The following SVEP1 variants were observed in gnomAD, a reference collection of about 807,000 sequenced individuals.
SVEP1 encodes sushi, von Willebrand factor type A, EGF and pentraxin domain-containing protein 1.
In SVEP1, 164 loss-of-function variants were observed where a neutral mutation model predicts 367.3. That is an observed-to-expected ratio of 0.45 (90% CI 0.39 to 0.51). The LOEUF (loss-of-function observed/expected upper bound fraction) is 0.51. Among genes scored for constraint, SVEP1 ranks in the 20% least tolerant of loss-of-function variants. SVEP1 has a pLI of 0.00. For synonymous variants in SVEP1, 1,666 were observed against 1,611.6 expected (o/e 1.03, Z -0.81); for missense variants, 4,117 against 4,425.3 (o/e 0.93, Z 1.98).
At chr9:110,385,849 A>T in intron 43 of SVEP1, 49 bp downstream of exon 43, 1 of 1,571,256 alleles carries the variant, frequency 6.4e-7, no homozygotes, top group Non-Finnish European at 8.6e-7. Context: ...CAGGGATGGG[A>T]AAACATTTCG....
intron 3 of SVEP1, among the ~76,000 whole-genome samples, chr9:110,537,794 A>G (rs1001543701): frequency 6.6e-6 from 1 of 151,966 alleles, no homozygotes; most frequent in African/African-American, 2.4e-5. Flanking sequence ...TCCTGCCAAA[A>G]AAATTTAGAT....
chr9:110,392,447 G>A (rs1024001852), intron 40 of SVEP1, among the ~76,000 whole-genome samples: 1 of 151,962 alleles, frequency 6.6e-6, no homozygotes, highest in African/African-American at 2.4e-5. Context: ...AGCACAAAAT[G>A]TTTTCATAGA....
chr9:110,551,434 AAACT>A (rs1041398416), intron 1 of SVEP1, among the ~76,000 whole-genome samples: 1 of 152,252 alleles, frequency 6.6e-6, no homozygotes, highest in Non-Finnish European at 1.5e-5. Flanking sequence ...AAATTAAATG[AAACT>A]AACAATGCCT....
chr9:110,554,138 C>G (rs1348447492), intron 1 of SVEP1, among the ~76,000 whole-genome samples: 1 of 152,066 alleles, frequency 6.6e-6, no homozygotes, highest in Non-Finnish European at 1.5e-5. Context: ...TATTCTTGGC[C>G]TACACCACCC....
chr9:110,506,209 A>C (rs184813511), intron 5 of SVEP1, among the ~76,000 whole-genome samples: 1 of 152,268 alleles, frequency 6.6e-6, no homozygotes, highest in African/African-American at 2.4e-5. Context: ...TTCTGTATCC[A>C]GTCTATCATT....
At chr9:110,450,348 G>C (rs1240863207) in intron 23 of SVEP1, 88 bp from the exon 24 acceptor site, 8 of 1,344,928 alleles carry the variant, frequency 5.9e-6, no homozygotes, top group Admixed American at 2.0e-5. Flanking sequence ...GGAGGATGCT[G>C]CTTCTAGAGG....
In SVEP1 at chr9:110,471,887, T is replaced by TA. The variant is rs577448607; in HGVS notation, c.2764+271dup. On this transcript the variant is annotated intron_variant, in intron 15 of 47. Coordinates refer to ENST00000374469, the MANE Select transcript of SVEP1 (RefSeq NM_153366.4). Reference sequence around the variant, plus strand: ...TTTTTGGGAGTTCTTTATTATAACATAATAAATTCCTGTAAATTCTTGCAT... The same window carrying TA: ...TTTTTGGGAGTTCTTTATTATAACATAAATAAATTCCTGTAAATTCTTGCAT... Among the ~76,000 whole-genome samples, 43 of 152,312 alleles carry TA rather than the reference T, an allele frequency of 2.8e-4. No individual in the cohort carries two copies. In the South Asian group the frequency reaches 7.5e-3, roughly 26 times the overall value.
In SVEP1 at chr9:110,404,449, G is replaced by C; in HGVS notation, c.9544C>G (p.Pro3182Ala). 6.2e-7 allele frequency: 1 copy of C among 1,613,974 alleles called. No homozygotes were observed. Among genetic ancestry groups the C allele is most frequent in the East Asian group, 2.2e-5 (1 of 44,882 alleles). ...ATATGTGTTATGTTTTCCGGGAGAG[G>C]ACATTTTTTAGGACTGCAGGAGATT... ...ERISCSPKKC[P>A]LPENITHILV... Residue 3182 changes from proline (P) to alanine (A), a missense_variant, in exon 39 of 48, where the codon CCT becomes GCT. Around this residue, in one of 4 missense-constraint regions of SVEP1, gnomAD observed 1,765 missense variants for 1,781.1 expected, o/e 0.99. Transcript: ENST00000374469.
chr9:110,468,861 AG>A lies in SVEP1; in HGVS notation c.3160+78del, dbSNP rs1268484539. On this transcript the variant is annotated intron_variant, in intron 17 of 47. Coordinates refer to ENST00000374469, the MANE Select transcript of SVEP1 (RefSeq NM_153366.4). Reference sequence around the variant, plus strand: ...CAGACAAGAGCCGAGTGTTGGGTGAAGAAAATAAATCTTTCTTTCCCCCAAA... The same window carrying A: ...CAGACAAGAGCCGAGTGTTGGGTGAAAAAATAAATCTTTCTTTCCCCCAAA... 2.8e-6 allele frequency: 4 copies of A among 1,404,600 alleles called. No homozygotes were observed. The African/African-American group carries it at 5.8e-5, about 20-fold the overall frequency. The allele number at this position is 1,404,600 out of a possible 1,614,324, so 87.0% of individuals were successfully genotyped here.
At chr9:110,516,859 C>T (rs566271083) in intron 3 of SVEP1, among the ~76,000 whole-genome samples, 46 of 152,182 alleles carry the variant, frequency 3.0e-4, no homozygotes, top group African/African-American at 8.9e-4. Context: ...AGATATATTC[C>T]TAACCTGGAG....
At chr9:110,501,277 G>A (rs1429046671) in intron 6 of SVEP1, among the ~76,000 whole-genome samples, 2 of 149,688 alleles carry the variant, frequency 1.3e-5, no homozygotes, top group Non-Finnish European at 3.0e-5. Flanking sequence ...CATTTTTCTG[G>A]TTTGCTTAAT....
chr9:110,375,837 G>A (rs904228183), intron 45 of SVEP1, among the ~76,000 whole-genome samples: 17 of 152,180 alleles, frequency 1.1e-4, no homozygotes, highest in Non-Finnish European at 2.4e-4. Context: ...TGTTCTAAGA[G>A]GATTTGGCTG....
chr9:110,545,343 A>T (rs914208030), intron 3 of SVEP1, among the ~76,000 whole-genome samples: 2 of 152,180 alleles, frequency 1.3e-5, no homozygotes, highest in African/African-American at 4.8e-5. Context: ...GAACCTCCAT[A>T]CTGTTTTCCA....
At chr9:110,542,372 T>C (rs569473090) in intron 3 of SVEP1, among the ~76,000 whole-genome samples, 1 of 152,292 alleles carries the variant, frequency 6.6e-6, no homozygotes, top group African/African-American at 2.4e-5. Context: ...TAGGGTTACT[T>C]CTGGATCTAA....
intron 32 of SVEP1, 119 bp from the exon 33 acceptor site, chr9:110,430,569 G>T: frequency 1.9e-6 from 2 of 1,062,306 alleles, no homozygotes; most frequent in Non-Finnish European, 2.7e-6. Flanking sequence ...AGAAAACCTC[G>T]TGAAGGGAAA....
At chr9:110,503,684 C>T (rs1282233696) in intron 5 of SVEP1, among the ~76,000 whole-genome samples, 3 of 152,178 alleles carry the variant, frequency 2.0e-5, no homozygotes, top group African/African-American at 4.8e-5. Context: ...TAGTGTTAGC[C>T]TCTGCAAAGC....
chr9:110,527,221 T>A (rs1289005092), intron 3 of SVEP1, among the ~76,000 whole-genome samples: 1 of 152,064 alleles, frequency 6.6e-6, no homozygotes, highest in Non-Finnish European at 1.5e-5. Flanking sequence ...TGGGAAAGGA[T>A]ATAGAGGATC....
chr9:110,512,963 G>A lies in SVEP1; in HGVS notation c.1266C>T (p.Pro422=). 6.2e-7 allele frequency: 1 copy of A among 1,613,980 alleles called. No individual in the cohort carries two copies. The highest frequency in any genetic ancestry group is 1.3e-5 in the African/African-American group (1 of 75,036). The part of the protein sequence containing the change: ...LVGSSIILCL[P]NGLWSGSESY... ...TCTCTGAACCGGACCACAAACCATT[G>A]GGTAGACATAAGATGATGCTGCTTC... Residue 422 remains proline (P), a synonymous_variant, in exon 5 of 48, where the codon CCC becomes CCT. Transcript: ENST00000374469.
chr9:110,471,289 GT>G, intron 16 of SVEP1, 74 bp downstream of exon 16: 2 of 1,189,506 alleles, frequency 1.7e-6, no homozygotes, highest in African/African-American at 3.1e-5. Flanking sequence ...TCCCTTTATA[GT>G]TGTAAAATGG....
Sources: gnomAD v4.1 joint callset for allele counts (sites outside exome capture counted in the v4.1 genomes callset) on GRCh38, gnomAD v4.1.1 for gene constraint, gnomAD v4.1.1 regional missense constraint, MANE v1.5 for transcripts, NCBI Gene and HGNC (gene_info 2026-07-23, HGNC 2026-07-21) for gene names.